The following ERC2 variants were observed in gnomAD, a reference collection of about 807,000 sequenced individuals.
ERC2 encodes ERC protein 2.
In ERC2, 42 loss-of-function variants were observed where a neutral mutation model predicts 114.8. The observed-to-expected ratio is 0.37, with a 90% CI of 0.29 to 0.47. The LOEUF (loss-of-function observed/expected upper bound fraction) is 0.47, where lower values mean the gene tolerates loss of function less well. Among genes scored for constraint, ERC2 ranks in the 20% least tolerant of loss-of-function variants. The probability of loss-of-function intolerance (pLI) is 0.99; values close to 1 mark genes in which losing one functional copy is unlikely to be tolerated. For synonymous variants in ERC2, 454 were observed against 425.5 expected, an observed-to-expected ratio of 1.07 and a Z score of -0.82; for missense variants, 939 against 1,150.7, an observed-to-expected ratio of 0.82 and a Z score of 2.66.
Position 55,991,806 on chromosome 3 carries a change from G to A in ERC2, c.2255+251C>T, listed in dbSNP as rs570177940. 6.6e-5 allele frequency among the ~76,000 whole-genome samples: 10 copies of A among 152,276 alleles called. No individual in the cohort carries two copies. In the South Asian group the frequency reaches 2.1e-3, roughly 32 times the overall value. ...CTTCGCTGGAAAAACGCTAGATCAT[G>A]GACATCACTCAAGAAAGTTGACCAC... On this transcript the variant is annotated intron_variant, in intron 11 of 17. Transcript: ENST00000288221.
chr3:56,424,349 G>A (rs1015551791), intron 2 of ERC2, among the ~76,000 whole-genome samples: 6 of 152,076 alleles, frequency 3.9e-5, no homozygotes, highest in African/African-American at 1.4e-4. Context: ...AAAAATGGAA[G>A]ATGGAAATCA....
intron 2 of ERC2, among the ~76,000 whole-genome samples, chr3:56,367,483 T>C (rs574530513): frequency 2.0e-5 from 3 of 152,234 alleles, no homozygotes; most frequent in Admixed American, 1.3e-4. Flanking sequence ...CTCTTCTCTT[T>C]GTCAAAACTC....
At chr3:55,987,629 T>A (rs1295135939) in intron 11 of ERC2, among the ~76,000 whole-genome samples, 1 of 152,208 alleles carries the variant, frequency 6.6e-6, no homozygotes, top group Admixed American at 6.5e-5. Flanking sequence ...TTAAAAATAA[T>A]AATAATGCTC....
chr3:55,742,761 T>C (rs1045711304), intron 14 of ERC2, among the ~76,000 whole-genome samples: 2 of 152,222 alleles, frequency 1.3e-5, no homozygotes, highest in Non-Finnish European at 2.9e-5. Context: ...CTCTCACCCT[T>C]GGGGTGAGGG....
At chr3:56,148,146 A>T (rs2081240001) in intron 5 of ERC2, among the ~76,000 whole-genome samples, 1 of 152,210 alleles carries the variant, frequency 6.6e-6, no homozygotes, top group African/African-American at 2.4e-5. Context: ...AGACCAACCC[A>T]ATGACGTAGG....
chr3:55,621,917 G>GA (rs1474557272), intron 17 of ERC2, among the ~76,000 whole-genome samples: 2 of 152,208 alleles, frequency 1.3e-5, no homozygotes, highest in African/African-American at 4.8e-5. Flanking sequence ...ATTGAGGCTG[G>GA]AAAGGAAAGT....
At chr3:56,364,195 T>C (rs938543732) in intron 2 of ERC2, among the ~76,000 whole-genome samples, 5 of 152,174 alleles carry the variant, frequency 3.3e-5, no homozygotes, top group Admixed American at 6.5e-5. Context: ...AGGAAATTCA[T>C]AGACTCAAAA....
chr3:56,129,663 C>T (rs556898173), intron 6 of ERC2, among the ~76,000 whole-genome samples: 13 of 152,212 alleles, frequency 8.5e-5, no homozygotes, highest in Admixed American at 2.6e-4. Flanking sequence ...TTCTCACAGA[C>T]GATTGGCTAA....
chr3:56,254,120 A>G (rs2052360048), intron 3 of ERC2, among the ~76,000 whole-genome samples: 1 of 152,262 alleles, frequency 6.6e-6, no homozygotes, highest in South Asian at 2.1e-4. Flanking sequence ...AACCTGGCAC[A>G]GCTTTGCACC....
intron 17 of ERC2, among the ~76,000 whole-genome samples, chr3:55,635,261 G>A (rs963524257): frequency 1.3e-5 from 2 of 152,146 alleles, no homozygotes; most frequent in Non-Finnish European, 1.5e-5. Flanking sequence ...AAAGGTATGC[G>A]AATATTTAGA....
intron 2 of ERC2, among the ~76,000 whole-genome samples, chr3:56,313,068 A>G (rs958486992): frequency 7.4e-6 from 1 of 135,962 alleles, no homozygotes; most frequent in African/African-American, 2.7e-5. Flanking sequence ...GAATAAATAA[A>G]TGAAAGAATA....
Position 55,776,961 on chromosome 3 carries a change from T to C in ERC2, c.2565-42043A>G, listed in dbSNP as rs1056874270. ...AAAAACACGGGAGACATCTACAACT[T>C]CCTCAACCCCAATCTTTTCTGGAAT... On this transcript the variant is annotated intron_variant, in intron 14 of 17. Coordinates refer to ENST00000288221, the MANE Select transcript of ERC2 (RefSeq NM_015576.3). 1.3e-5 allele frequency among the ~76,000 whole-genome samples: 2 copies of C among 152,170 alleles called. 1 individual carries two copies. The highest frequency in any genetic ancestry group is 1.3e-4 in the Admixed American group (2 of 15,268).
intron 14 of ERC2, among the ~76,000 whole-genome samples, chr3:55,839,005 G>C (rs2061016624): frequency 6.6e-6 from 1 of 151,536 alleles, no homozygotes; most frequent in Non-Finnish European, 1.5e-5. Flanking sequence ...TAAACACCAA[G>C]CTCAAGAAAC....
At chr3:56,361,731 T>A (rs982196325) in intron 2 of ERC2, among the ~76,000 whole-genome samples, 1 of 152,224 alleles carries the variant, frequency 6.6e-6, no homozygotes, top group Non-Finnish European at 1.5e-5. Flanking sequence ...CCAAGCCAAC[T>A]TGAGTAGTAG....
chr3:55,986,899 C>T (rs2070684789), intron 11 of ERC2, among the ~76,000 whole-genome samples: 1 of 151,936 alleles, frequency 6.6e-6, no homozygotes, highest in African/African-American at 2.4e-5. Flanking sequence ...GTAAAATGCC[C>T]TTTGCAAAAA....
At chr3:56,146,268 CAG>C (rs1424203882) in intron 5 of ERC2, among the ~76,000 whole-genome samples, 1 of 152,052 alleles carries the variant, frequency 6.6e-6, no homozygotes, top group Non-Finnish European at 1.5e-5. Context: ...GCCTGGGTGA[CAG>C]AGTGAGACCC....
chr3:55,608,216 T>C (rs1226319341), intron 17 of ERC2, among the ~76,000 whole-genome samples: 1 of 152,152 alleles, frequency 6.6e-6, no homozygotes, highest in Admixed American at 6.6e-5. Context: ...CATCCTTGAC[T>C]GAAATCGAAA....
At chr3:56,410,499 C>G (rs889198297) in intron 2 of ERC2, among the ~76,000 whole-genome samples, 2 of 152,228 alleles carry the variant, frequency 1.3e-5, no homozygotes, top group Admixed American at 1.3e-4. Flanking sequence ...ATTTAAACCT[C>G]ACCATGGGAG....
chr3:55,981,755 A>T (rs1000078244), intron 12 of ERC2, among the ~76,000 whole-genome samples: 4 of 152,178 alleles, frequency 2.6e-5, no homozygotes, highest in Non-Finnish European at 5.9e-5. Context: ...AACCAATGAC[A>T]TCTTTTCTCA....
Sources: gnomAD v4.1 joint callset for allele counts (sites outside exome capture counted in the v4.1 genomes callset) on GRCh38, gnomAD v4.1.1 for gene constraint, MANE v1.5 for transcripts, NCBI Gene and HGNC (gene_info 2026-07-23, HGNC 2026-07-21) for gene names.